The following SLIT3 variants were observed in gnomAD, a reference collection of about 807,000 sequenced individuals.
The protein encoded by SLIT3 is slit homolog 3 protein.
A neutral mutation model predicts 184.0 loss-of-function variants in SLIT3; 68 were observed. That is an observed-to-expected ratio of 0.37 (90% CI 0.30 to 0.45). The LOEUF (loss-of-function observed/expected upper bound fraction) is 0.45, where lower values mean the gene tolerates loss of function less well. SLIT3 is among the 20% of genes least tolerant of loss of function. The probability of loss-of-function intolerance (pLI) is 1.00; values close to 1 mark genes in which losing one functional copy is unlikely to be tolerated. For synonymous variants in SLIT3, 831 were observed against 828.6 expected (o/e 1.00, Z -0.05); for missense variants, 1,707 against 2,026.0 (o/e 0.84, Z 3.02).
At chr5:169,199,986 C>A (rs991608028) in intron 3 of SLIT3, among the ~76,000 whole-genome samples, 1 of 152,202 alleles carries the variant, frequency 6.6e-6, no homozygotes, top group Non-Finnish European at 1.5e-5. Flanking sequence ...ATCAATAGCC[C>A]TGCTGATCCG....
intron 20 of SLIT3, among the ~76,000 whole-genome samples, chr5:168,727,072 C>T (rs1763155913): frequency 6.7e-6 from 1 of 149,898 alleles, no homozygotes; most frequent in Admixed American, 6.6e-5. Context: ...GTAATCCCAG[C>T]ACTTTGGAAG....
At chr5:168,683,814 G>A (rs1761663421) in intron 32 of SLIT3, 152 bp downstream of exon 32, 1 of 664,762 alleles carries the variant, frequency 1.5e-6, no homozygotes, top group African/African-American at 1.9e-5. Flanking sequence ...ACCACTCGGT[G>A]AGGAGGAAGT....
At chr5:168,862,001 T>C (rs1172411776) in intron 5 of SLIT3, among the ~76,000 whole-genome samples, 2 of 152,200 alleles carry the variant, frequency 1.3e-5, no homozygotes, top group Non-Finnish European at 1.5e-5. Context: ...GAGATGTAAC[T>C]ACAAGACACC....
At chr5:168,827,282 A>G (rs1757737576) in intron 6 of SLIT3, among the ~76,000 whole-genome samples, 1 of 152,340 alleles carries the variant, frequency 6.6e-6, no homozygotes, top group Admixed American at 6.5e-5. Context: ...ACAGTTTTGC[A>G]GTCAGAAGTC....
chr5:169,140,299 C>T lies in SLIT3; in HGVS notation c.413+53180G>A, dbSNP rs1247239194. Among the ~76,000 whole-genome samples the T allele has an allele frequency of 1.2e-4, 6 of 50,050 alleles. 1 individual carries two copies. The highest frequency in any genetic ancestry group is 7.1e-4 in the African/African-American group (6 of 8,392). 32.8% of individuals were successfully genotyped at this position (50,050 alleles called of 152,430 possible). On this transcript the variant is annotated intron_variant, in intron 4 of 35. Transcript: ENST00000519560. ...CCAACATGGTAAAACCCCGCCTCTA[C>T]TAAAAATGCAAAAAAAAAAAAAAAA...
At chr5:168,707,831 T>C in intron 26 of SLIT3, 145 bp downstream of exon 26, 1 of 933,148 alleles carries the variant, frequency 1.1e-6, no homozygotes, top group South Asian at 1.7e-5. Context: ...CAAATGCTGC[T>C]TTGGAGTGGT....
rs1355957224 is a variant in SLIT3 at position 168,664,599 on chromosome 5, C to A, written c.*1855G>T. 6.6e-6 allele frequency: 1 copy of A among 152,150 alleles called. No individual in the cohort carries two copies. Among genetic ancestry groups the A allele is most frequent in the African/African-American group, 2.4e-5 (1 of 41,404 alleles). The allele number at this position is 152,150 out of a possible 1,614,324, so 9.4% of individuals were successfully genotyped here. A position where few individuals can be genotyped will look rare whatever the true frequency, so the allele number is the denominator to read the frequency against. ...CCTTCATTATTCCCTGCGTCTTTGG[C>A]CCACCATTGGTACTCACAGATCAAC... On this transcript the variant is annotated 3_prime_UTR_variant, in exon 36 of 36. Transcript: ENST00000519560.
chr5:169,253,791 A>G (rs150290649), intron 1 of SLIT3, among the ~76,000 whole-genome samples: 1 of 151,964 alleles, frequency 6.6e-6, no homozygotes, highest in Non-Finnish European at 1.5e-5. Flanking sequence ...TCCCCAAGAC[A>G]CTCCTTGTTG....
intron 8 of SLIT3, among the ~76,000 whole-genome samples, chr5:168,810,408 C>T (rs1326007279): frequency 1.3e-5 from 2 of 152,192 alleles, no homozygotes; most frequent in Non-Finnish European, 2.9e-5. Flanking sequence ...AGTGATGCAC[C>T]AGGCTATAGA....
chr5:168,663,563 G>A lies in SLIT3; in HGVS notation c.*2891C>T, dbSNP rs750456716. 2.6e-5 allele frequency: 4 copies of A among 152,252 alleles called. No individual in the cohort carries two copies. The highest frequency in any genetic ancestry group is 4.8e-5 in the African/African-American group (2 of 41,414). 9.4% of individuals were successfully genotyped at this position (152,252 alleles called of 1,614,324 possible). On this transcript the variant is annotated 3_prime_UTR_variant, in exon 36 of 36. Transcript: ENST00000519560. ...GCTCTTCCCTTCCTCAAACAACCCT[G>A]CTGGCACCTGTGGCCCAGTTTAGCA...
intron 3 of SLIT3, among the ~76,000 whole-genome samples, chr5:169,241,224 T>G (rs542989703): frequency 3.9e-5 from 6 of 152,268 alleles, no homozygotes; most frequent in African/African-American, 1.4e-4. Flanking sequence ...TAAATTAGGT[T>G]TAGGTAAATA....
At chr5:168,857,533 G>T (rs1758930804) in intron 5 of SLIT3, among the ~76,000 whole-genome samples, 2 of 152,124 alleles carry the variant, frequency 1.3e-5, no homozygotes, top group African/African-American at 4.8e-5. Flanking sequence ...GTAAAACAGA[G>T]GCATGAAATA....
chr5:168,944,754 T>C (rs1178192745), intron 4 of SLIT3, among the ~76,000 whole-genome samples: 1 of 152,152 alleles, frequency 6.6e-6, no homozygotes, highest in Non-Finnish European at 1.5e-5. Flanking sequence ...TTGTCCATTG[T>C]CTATGGGTGA....
intron 4 of SLIT3, among the ~76,000 whole-genome samples, chr5:169,091,217 A>T (rs1759571466): frequency 6.6e-6 from 1 of 152,034 alleles, no homozygotes; most frequent in African/African-American, 2.4e-5. Context: ...ACACATTCTA[A>T]TATTTCTAGT....
intron 1 of SLIT3, among the ~76,000 whole-genome samples, chr5:169,264,097 C>T (rs1285954439): frequency 1.3e-5 from 2 of 151,940 alleles, no homozygotes; most frequent in Admixed American, 1.3e-4. Flanking sequence ...GTCCAGTTAA[C>T]CTAAGACTCT....
chr5:169,243,137 G>T (rs1765460276), intron 3 of SLIT3, among the ~76,000 whole-genome samples: 1 of 152,026 alleles, frequency 6.6e-6, no homozygotes, highest in African/African-American at 2.4e-5. Context: ...AATACAAATA[G>T]CATGTAAAAC....
chr5:168,900,607 C>T (rs1760831679), intron 4 of SLIT3, among the ~76,000 whole-genome samples: 2 of 151,950 alleles, frequency 1.3e-5, no homozygotes. Context: ...GGGAGTGAAA[C>T]CCTGTCTCAA....
chr5:169,136,661 C>T (rs559432427), intron 4 of SLIT3, among the ~76,000 whole-genome samples: 56 of 152,298 alleles, frequency 3.7e-4, no homozygotes, highest in African/African-American at 1.3e-3. Context: ...CGCCTAAAAA[C>T]AAGCCCAATG....
Position 168,722,357 on chromosome 5 carries a change from T to C in SLIT3, c.2412-30A>G, listed in dbSNP as rs114653910. The stretch of plus-strand genomic sequence containing the variant: ...GGAAAAGGAGGCATGTGCCCTGTTG[T>C]GTCTTTCTATTCTCTACCATGCATA... On this transcript the variant is annotated intron_variant, in intron 22 of 35. Transcript: ENST00000519560. 1,763 of 1,600,388 alleles carry C rather than the reference T, an allele frequency of 1.1e-3. 16 individuals carry two copies. The African/African-American group carries it at 0.02, about 18-fold the overall frequency.
Sources: gnomAD v4.1 joint callset for allele counts (sites outside exome capture counted in the v4.1 genomes callset) on GRCh38, gnomAD v4.1.1 for gene constraint, MANE v1.5 for transcripts, NCBI Gene and HGNC (gene_info 2026-07-23, HGNC 2026-07-21) for gene names.